Variants in UQCC5 observed in about 807,000 individuals in gnomAD.
UQCC5 encodes UPF0640 protein C3orf78.
At chr3:52,540,435 C>T in the UQCC5 span, 67 of 1,526,412 alleles carry the variant, frequency 4.4e-5, no homozygotes, top group Middle Eastern at 1.7e-4. Flanking sequence ...TGATGTCTAC[C>T]GTAGAAAAGC....
chr3:52,537,337 A>G, the UQCC5 span, among the ~76,000 whole-genome samples: 1 of 152,080 alleles, frequency 6.6e-6, no homozygotes, highest in Non-Finnish European at 1.5e-5. Flanking sequence ...AATTACCACT[A>G]CCTTTACAGG....
the UQCC5 span, chr3:52,536,644 G>T: frequency 9.4e-6 from 14 of 1,490,464 alleles, no homozygotes; most frequent in Non-Finnish European, 1.2e-5. Context: ...GACGGCGCTC[G>T]CTAGTCTCCC....
chr3:52,538,353 T>TA, the UQCC5 span, among the ~76,000 whole-genome samples: 1 of 152,188 alleles, frequency 6.6e-6, no homozygotes, highest in Non-Finnish European at 1.5e-5. Flanking sequence ...ACGAGGTAGA[T>TA]ATGGTTATAC....
the UQCC5 span, chr3:52,540,533 G>C: frequency 3.0e-6 from 4 of 1,318,168 alleles, no homozygotes; most frequent in Non-Finnish European, 4.1e-6. Flanking sequence ...TTTACTATTG[G>C]TTTCAGTGCC....
the UQCC5 span, chr3:52,541,023 T>C: frequency 6.6e-6 from 1 of 152,384 alleles, no homozygotes; most frequent in Admixed American, 6.5e-5. Flanking sequence ...TGAACAGAAA[T>C]ATGCTCCTCC....
the UQCC5 span, among the ~76,000 whole-genome samples, chr3:52,538,594 T>C: frequency 2.0e-5 from 3 of 152,226 alleles, no homozygotes; most frequent in South Asian, 6.2e-4. Context: ...CTGGAGTAGC[T>C]GGGATTACAG....
At chr3:52,536,622 A>T in the UQCC5 span, 9 of 1,472,766 alleles carry the variant, frequency 6.1e-6, no homozygotes, top group Non-Finnish European at 8.1e-6. Context: ...CGCCTACCAG[A>T]CAGTGGCGGA....
At chr3:52,539,333 C>T in the UQCC5 span, among the ~76,000 whole-genome samples, 6 of 152,074 alleles carry the variant, frequency 3.9e-5, no homozygotes, top group Non-Finnish European at 5.9e-5. Flanking sequence ...GCGGGTAAGA[C>T]GGGGCCAAGG....
chr3:52,536,916 G>C, the UQCC5 span: 2 of 1,551,466 alleles, frequency 1.3e-6, no homozygotes, highest in Non-Finnish European at 1.7e-6. Flanking sequence ...TGTAAGTGAG[G>C]GGGTAGCAGT....
chr3:52,541,885 G>A, the UQCC5 span: 1 of 152,020 alleles, frequency 6.6e-6, no homozygotes, highest in Admixed American at 6.6e-5. Flanking sequence ...TAAAACCATT[G>A]GCTAACTTTT....
the UQCC5 span, chr3:52,536,638 G>T: frequency 2.0e-6 from 3 of 1,486,016 alleles, no homozygotes; most frequent in East Asian, 7.5e-5. Context: ...GCGGAGGACG[G>T]CGCTCGCTAG....
At chr3:52,537,766 G>A in the UQCC5 span, among the ~76,000 whole-genome samples, 1 of 151,460 alleles carries the variant, frequency 6.6e-6, no homozygotes, top group Non-Finnish European at 1.5e-5. Flanking sequence ...ACTCTCGGGT[G>A]GGCGCCTCAA....
the UQCC5 span, chr3:52,541,412 G>C: frequency 3.3e-5 from 5 of 152,216 alleles, no homozygotes; most frequent in Non-Finnish European, 5.9e-5. Flanking sequence ...TAAGGCCATA[G>C]GGTATCCTCA....
At chr3:52,536,901 C>T in the UQCC5 span, 5 of 1,551,444 alleles carry the variant, frequency 3.2e-6, no homozygotes, top group Non-Finnish European at 4.4e-6. Context: ...GGCCAGGAGA[C>T]CTTCTGTAAG....
At chr3:52,539,664 A>T in the UQCC5 span, among the ~76,000 whole-genome samples, 1 of 146,856 alleles carries the variant, frequency 6.8e-6, no homozygotes, top group East Asian at 2.0e-4. Context: ...TTTGAGACAG[A>T]GTCTTGGTCT....
the UQCC5 span, chr3:52,537,000 G>A: frequency 1.4e-6 from 2 of 1,480,670 alleles, no homozygotes; most frequent in South Asian, 1.2e-5. Flanking sequence ...ATTGCAGACC[G>A]CGCATTCCAC....
the UQCC5 span, among the ~76,000 whole-genome samples, chr3:52,537,473 C>A: frequency 5.8e-4 from 88 of 152,282 alleles, no homozygotes; most frequent in African/African-American, 2.0e-3. Context: ...AGGAGGACTT[C>A]CCCAACCCCT....
the UQCC5 span, chr3:52,540,698 T>A: frequency 2.7e-5 from 12 of 445,534 alleles, no homozygotes; most frequent in South Asian, 4.4e-4. Flanking sequence ...TGTGGGAAAA[T>A]TATTTCCTCC....
the UQCC5 span, chr3:52,536,794 G>A: frequency 6.4e-7 from 1 of 1,551,672 alleles, no homozygotes; most frequent in South Asian, 1.2e-5. Context: ...TTCTGCAGCG[G>A]GTGCCCGGGA....
Sources: gnomAD v4.1 joint callset for allele counts (sites outside exome capture counted in the v4.1 genomes callset) on GRCh38, gnomAD v4.1.1 for gene constraint, MANE v1.5 for transcripts, NCBI Gene and HGNC (gene_info 2026-07-23, HGNC 2026-07-21) for gene names.